Variants in NIT2 observed in about 807,000 individuals in gnomAD.
NIT2 encodes the protein nitrilase family member 2.
NIT2 carries 46 observed loss-of-function variants against 42.7 expected under a neutral mutation model. That is an observed-to-expected ratio of 1.08 (90% CI 0.85 to 1.38). NIT2 has a LOEUF of 1.38. Ranked by LOEUF, NIT2 falls within the 40% of genes most tolerant of loss-of-function variation. NIT2 has a pLI of 0.00. For missense variants in NIT2, 309 were observed against 342.5 expected (o/e 0.90, Z 0.77); for synonymous variants, 123 against 121.9 (o/e 1.01, Z -0.06).
In NIT2 at chr3:100,360,467, G is replaced by A. The variant is rs1706369030; in HGVS notation, c.*5199G>A. On this transcript the variant is annotated 3_prime_UTR_variant, in exon 10 of 10. Transcript: ENST00000394140. ...AAAAATACAAAAATTAGCCGGGTGT[G>A]GTGGCACATGCCTGTGATCCCAGCT... 1 of 152,430 alleles carries A rather than the reference G, an allele frequency of 6.6e-6. No individual in the cohort carries two copies. Among genetic ancestry groups the A allele is most frequent in the South Asian group, 2.1e-4 (1 of 4,838 alleles). 9.4% of individuals were successfully genotyped at this position (152,430 alleles called of 1,614,324 possible). A position where few individuals can be genotyped will look rare whatever the true frequency, so the allele number is the denominator to read the frequency against.
Position 100,355,452 on chromosome 3 carries a change from G to A in NIT2, c.*184G>A, listed in dbSNP as rs919827785. The A allele has an allele frequency of 1.9e-6, 1 of 516,376 alleles. No individual in the cohort carries two copies. The highest frequency in any genetic ancestry group is 2.0e-5 in the African/African-American group (1 of 50,806). 32.0% of individuals were successfully genotyped at this position (516,376 alleles called of 1,614,324 possible). On this transcript the variant is annotated 3_prime_UTR_variant, in exon 10 of 10. Transcript: ENST00000394140. Reference sequence around the variant, plus strand: ...CACGCCACATTAAATAGTTAAAAAGGATGCAGCCTGGAGCCAGAGAGCAGA... The same window carrying A: ...CACGCCACATTAAATAGTTAAAAAGAATGCAGCCTGGAGCCAGAGAGCAGA...
chr3:100,355,130 G>A, intron 9 of NIT2, 47 bp from the exon 10 acceptor site: 1 of 1,376,414 alleles, frequency 7.3e-7, no homozygotes, highest in Non-Finnish European at 1.0e-6. Flanking sequence ...CCCTTGGTTA[G>A]TGAGGAGTTG....
chr3:100,346,171 T>G lies in NIT2; in HGVS notation c.431-10T>G, dbSNP rs777178653. The G allele has an allele frequency of 1.2e-6, 2 of 1,613,638 alleles. No homozygotes were observed. The highest frequency in any genetic ancestry group is 2.2e-5 in the South Asian group (2 of 91,072). On this transcript the variant is annotated splice_polypyrimidine_tract_variant and intron_variant, in intron 5 of 9. Transcript: ENST00000394140. ...AACTTTTCATTTGTGCATTTTCTGTTTGGAAACAGCTTACTGCAGAGTGGG... is the reference window on the plus strand; with the variant it reads ...AACTTTTCATTTGTGCATTTTCTGTGTGGAAACAGCTTACTGCAGAGTGGG...
chr3:100,345,694 G>C lies in NIT2; in HGVS notation c.430+16G>C, dbSNP rs765517163. The stretch of plus-strand genomic sequence containing the variant: ...TTTGATACTCGTATGTACCAGATAA[G>C]TTTGCCTCTTTAGCAATCTCAGTAG... On this transcript the variant is annotated intron_variant, in intron 5 of 9. Transcript: ENST00000394140. 6.5e-7 allele frequency: 1 copy of C among 1,544,012 alleles called. No homozygotes were observed. Among genetic ancestry groups the C allele is most frequent in the Admixed American group, 1.7e-5 (1 of 59,538 alleles).
chr3:100,337,707 C>T (rs552474491), intron 1 of NIT2, among the ~76,000 whole-genome samples: 1 of 152,282 alleles, frequency 6.6e-6, no homozygotes, highest in Non-Finnish European at 1.5e-5. Flanking sequence ...CCTGCCTTGG[C>T]CTCCCAAAGT....
intron 1 of NIT2, among the ~76,000 whole-genome samples, chr3:100,338,477 C>T (rs1446535447): frequency 1.3e-5 from 2 of 152,202 alleles, no homozygotes; most frequent in Non-Finnish European, 2.9e-5. Context: ...GGTTTTCCCT[C>T]TGCCAGCAGC....
rs767805516 is a variant in NIT2 at position 100,339,084 on chromosome 3, C to T, written c.8-3C>T. ...AGCTGTTTTCTTTTGTCTTTGTTCT[C>T]AGCTTTCCGCTTGGCCCTCATCCAG... On this transcript the variant is annotated splice_region_variant and splice_polypyrimidine_tract_variant and intron_variant, in intron 1 of 9. Transcript: ENST00000394140. The T allele has an allele frequency of 6.2e-7, 1 of 1,602,568 alleles. No individual in the cohort carries two copies. The highest frequency in any genetic ancestry group is 2.2e-5 in the East Asian group (1 of 44,824).
chr3:100,335,087 A>G (rs1559821757), intron 1 of NIT2: 1 of 468,994 alleles, frequency 2.1e-6, no homozygotes. Context: ...ATGGACGTGT[A>G]TTTCTCCACG....
intron 6 of NIT2, 90 bp from the exon 7 acceptor site, chr3:100,348,713 T>G: frequency 2.0e-6 from 2 of 992,954 alleles, no homozygotes; most frequent in Non-Finnish European, 3.1e-6. Flanking sequence ...AAGTTTGAGT[T>G]CAGTTCCTGC....
At chr3:100,337,700 G>C (rs1419719333) in intron 1 of NIT2, among the ~76,000 whole-genome samples, 1 of 152,164 alleles carries the variant, frequency 6.6e-6, no homozygotes, top group Non-Finnish European at 1.5e-5. Context: ...GTGATCACCT[G>C]CCTTGGCCTC....
chr3:100,335,106 C>T (rs1160893837), intron 1 of NIT2: 2 of 440,358 alleles, frequency 4.5e-6, no homozygotes, highest in Middle Eastern at 6.3e-4. Context: ...CGGTGTGGGC[C>T]GCGGTGGTAG....
chr3:100,339,712 G>T, intron 2 of NIT2, 103 bp from the exon 3 acceptor site: 1 of 1,163,842 alleles, frequency 8.6e-7, no homozygotes, highest in Non-Finnish European at 1.2e-6. Context: ...TTAACCCTTC[G>T]ACTGAAAGCA....
chr3:100,354,796 C>T lies in NIT2; in HGVS notation c.708C>T (p.Gly236=), dbSNP rs199988924. The change falls in exon 9 of 10, where the codon GGC becomes GGT. Residue 236 remains glycine (G), a synonymous_variant. Transcript: ENST00000394140. The part of the protein sequence containing the change: ...NPWGEVLAKA[G]TEEAIVYSDI... Reference sequence around the variant, plus strand: ...GGGGGGAGGTTCTAGCCAAAGCTGGCACAGAAGAAGCAATCGTGTATTCAG... The same window carrying T: ...GGGGGGAGGTTCTAGCCAAAGCTGGTACAGAAGAAGCAATCGTGTATTCAG... 2.7e-5 allele frequency: 44 copies of T among 1,609,374 alleles called. No homozygotes were observed. The South Asian group carries it at 3.9e-4, about 14-fold the overall frequency.
At chr3:100,340,013 G>T (rs1291350013) in intron 3 of NIT2, 78 bp downstream of exon 3, 4 of 1,232,186 alleles carry the variant, frequency 3.2e-6, no homozygotes, top group Non-Finnish European at 4.5e-6. Context: ...GCGTGCGCCT[G>T]TATTCCCTAC....
intron 3 of NIT2, among the ~76,000 whole-genome samples, chr3:100,340,674 GAATTC>G (rs59560200): frequency 0.25 from 38,500 of 151,866 alleles, 5,868 homozygotes; most frequent in Middle Eastern, 0.39. Context: ...AGAACCTGGT[GAATTC>G]AAGTTAAGCA....
intron 7 of NIT2, chr3:100,349,088 C>T: frequency 7.6e-6 from 3 of 397,028 alleles, no homozygotes; most frequent in Admixed American, 4.1e-5. Flanking sequence ...ATACCAACCT[C>T]ATGGATTTTG....
chr3:100,338,873 G>T (rs950762235), intron 1 of NIT2, among the ~76,000 whole-genome samples: 1 of 152,106 alleles, frequency 6.6e-6, no homozygotes, highest in African/African-American at 2.4e-5. Flanking sequence ...TATGGAGGGG[G>T]TTGTCCTATG....
rs1057282206 is a variant in NIT2 at position 100,339,009 on chromosome 3, C to G, written c.8-78C>G. The G allele has an allele frequency of 1.7e-5, 17 of 1,004,484 alleles. No individual in the cohort carries two copies. In the Admixed American group the frequency reaches 2.0e-4, roughly 12 times the overall value. The allele number at this position is 1,004,484 out of a possible 1,614,324, so 62.2% of individuals were successfully genotyped here. ...GTCCCCCCGGGGACATAACTGCCTT[C>G]CATTTGAGAACTATGGCTCTGTCTG... is the stretch of plus-strand genomic sequence containing the variant. On this transcript the variant is annotated intron_variant, in intron 1 of 9. Coordinates refer to ENST00000394140, the MANE Select transcript of NIT2 (RefSeq NM_020202.5).
intron 1 of NIT2, among the ~76,000 whole-genome samples, chr3:100,336,788 A>G (rs1404139341): frequency 1.3e-5 from 2 of 152,104 alleles, no homozygotes; most frequent in Non-Finnish European, 2.9e-5. Flanking sequence ...AGGGACGGGC[A>G]GGAGACAGAT....
Sources: allele counts gnomAD v4.1 joint callset (sites outside exome capture counted in the v4.1 genomes callset), GRCh38; gene constraint gnomAD v4.1.1; transcripts MANE v1.5; gene names NCBI Gene and HGNC (gene_info 2026-07-23, HGNC 2026-07-21).